Variants in FERMT1 observed in about 807,000 individuals in gnomAD.
FERMT1 encodes the protein fermitin family homolog 1.
A neutral mutation model predicts 85.3 loss-of-function variants in FERMT1; 60 were observed. The observed-to-expected ratio is 0.70, with a 90% confidence interval of 0.57 to 0.87. The LOEUF is 0.87. FERMT1 is among the 40% of genes least tolerant of loss of function. The pLI is 0.00. For synonymous variants in FERMT1, 275 were observed against 301.1 expected (o/e 0.91, Z 0.90); for missense variants, 701 against 818.9 (o/e 0.86, Z 1.76).
Position 6,084,148 on chromosome 20 carries a change from A to G in FERMT1, c.1610T>C (p.Leu537Pro). ...CTGGGCCACGTTCTGGTGCGCCTCC[A>G]GGATCCGGGCGGCCAGCTGAACAGA... is the stretch of plus-strand genomic sequence containing the variant. ...HKSKQLAARI[L>P]EAHQNVAQMP... is the part of the protein sequence containing the mutation. Residue 537 changes from leucine to proline, a missense_variant, in exon 13 of 15, where the codon CTG (leucine) becomes CCG (proline). Physicochemically the swap from Leu to Pro is moderately conservative, Grantham distance 98. Coordinates refer to ENST00000217289, the MANE Select transcript of FERMT1 (RefSeq NM_017671.5). 1 of 1,612,768 alleles carries G rather than the reference A, an allele frequency of 6.2e-7. No homozygotes were observed. Among genetic ancestry groups the G allele is most frequent in the Non-Finnish European group, 8.5e-7 (1 of 1,179,426 alleles).
In FERMT1 at chr20:6,110,486, G is replaced by T; in HGVS notation, c.558C>A (p.Thr186=). ...TGATGGGGTCATATATAGGGGTCAT[G>T]GTTTTACTGTATAAACCAGGACTTA... The part of the protein sequence containing the change: ...SSVSPGLYSK[T]MTPIYDPING... Residue 186 remains threonine (T), a synonymous_variant, in exon 5 of 15, where the codon ACC becomes ACA. Coordinates refer to ENST00000217289, the MANE Select transcript of FERMT1 (RefSeq NM_017671.5). The T allele has an allele frequency of 6.2e-7, 1 of 1,614,112 alleles. No homozygotes were observed. The highest frequency in any genetic ancestry group is 1.1e-5 in the South Asian group (1 of 91,086).
intron 8 of FERMT1, among the ~76,000 whole-genome samples, chr20:6,096,605 T>A (rs1982504592): frequency 6.6e-6 from 1 of 152,118 alleles, no homozygotes; most frequent in Non-Finnish European, 1.5e-5. Context: ...AAGTCCACAT[T>A]CCATGCTAGT....
chr20:6,090,399 AC>A (rs1207983616), intron 9 of FERMT1, among the ~76,000 whole-genome samples: 1 of 152,056 alleles, frequency 6.6e-6, no homozygotes, highest in Non-Finnish European at 1.5e-5. Flanking sequence ...ACATGTCAGT[AC>A]TAGTCTTTCC....
chr20:6,102,687 AAAAAAAAAAAAAAAG>A (rs1982692232), intron 6 of FERMT1, among the ~76,000 whole-genome samples: 1 of 142,452 alleles, frequency 7.0e-6, no homozygotes, highest in Admixed American at 7.3e-5. Flanking sequence ...AAGAAAAAAA[AAAAAAAAAAAAAAAG>A]AAAAGAAAAT....
chr20:6,084,178 G>C lies in FERMT1; in HGVS notation c.1594-14C>G, dbSNP rs2123098522. 1 of 1,607,354 alleles carries C rather than the reference G, an allele frequency of 6.2e-7. No individual in the cohort carries two copies. The highest frequency in any genetic ancestry group is 8.5e-7 in the Non-Finnish European group (1 of 1,176,928). On this transcript the variant is annotated splice_polypyrimidine_tract_variant and intron_variant, in intron 12 of 14. Transcript: ENST00000217289. ...CCGGGCGGCCAGCTGAACAGAAACA[G>C]ACATCAACCTCTCTTCACATGCACC...
chr20:6,118,422 C>T (rs1296572408), intron 2 of FERMT1, among the ~76,000 whole-genome samples: 1 of 152,026 alleles, frequency 6.6e-6, no homozygotes, highest in Non-Finnish European at 1.5e-5. Flanking sequence ...GGGTGGGGAA[C>T]AGCTGATGTT....
Position 6,076,345 on chromosome 20 carries a change from T to C in FERMT1, c.*828A>G, listed in dbSNP as rs938430063. The C allele has an allele frequency of 4.2e-5, 19 of 453,146 alleles. No individual in the cohort carries two copies. Among genetic ancestry groups the C allele is most frequent in the Non-Finnish European group, 7.1e-5 (16 of 226,110 alleles). The allele number at this position is 453,146 out of a possible 1,614,324, so 28.1% of individuals were successfully genotyped here. On this transcript the variant is annotated 3_prime_UTR_variant, in exon 15 of 15. Transcript: ENST00000217289. Reference sequence around the variant, plus strand: ...AGAGGACTGTGCCTGTCTTCCTGAATCCCAACCCAGAGTAGAAGCAGTGGA... The same window carrying C: ...AGAGGACTGTGCCTGTCTTCCTGAACCCCAACCCAGAGTAGAAGCAGTGGA...
At chr20:6,083,793 TA>T (rs928442870) in intron 13 of FERMT1, among the ~76,000 whole-genome samples, 5 of 151,460 alleles carry the variant, frequency 3.3e-5, no homozygotes, top group South Asian at 2.1e-4. Flanking sequence ...GTAGTTATCC[TA>T]AAAAAAACCC....
At chr20:6,122,654 A>C (rs1983311029) in intron 1 of FERMT1, 120 bp downstream of exon 1, 1 of 152,218 alleles carries the variant, frequency 6.6e-6, no homozygotes, top group African/African-American at 2.4e-5. Context: ...ATTTTCAATC[A>C]ACAGCTATTT....
At chr20:6,094,484 T>C (rs1057503359) in intron 9 of FERMT1, among the ~76,000 whole-genome samples, 1 of 152,232 alleles carries the variant, frequency 6.6e-6, no homozygotes, top group African/African-American at 2.4e-5. Flanking sequence ...TTTTAAATTA[T>C]AAGCCTTCAA....
In FERMT1 at chr20:6,076,369, G is replaced by A; in HGVS notation, c.*804C>T. 1 of 486,420 alleles carries A rather than the reference G, an allele frequency of 2.1e-6. No homozygotes were observed. The highest frequency in any genetic ancestry group is 4.1e-6 in the Non-Finnish European group (1 of 243,374). 30.1% of individuals were successfully genotyped at this position (486,420 alleles called of 1,614,324 possible). A position where few individuals can be genotyped will look rare whatever the true frequency, so the allele number is the denominator to read the frequency against. ...ATCCCAACCCAGAGTAGAAGCAGTG[G>A]AGACATGGATCTGGGTTGAGAAATG... On this transcript the variant is annotated 3_prime_UTR_variant, in exon 15 of 15. Transcript: ENST00000217289.
Position 6,115,931 on chromosome 20 carries a change from G to T in FERMT1, c.265C>A (p.Leu89Ile). The T allele has an allele frequency of 6.2e-7, 1 of 1,614,214 alleles. No homozygotes were observed. The highest frequency in any genetic ancestry group is 1.3e-5 in the African/African-American group (1 of 75,062). The change falls in exon 3 of 15, where the codon CTC (leucine) becomes ATC (isoleucine). Residue 89 changes from leucine to isoleucine, a missense_variant. Physicochemically the swap from Leu to Ile is conservative, Grantham distance 5 (BLOSUM62 2). Transcript: ENST00000217289. ...AGCATTTTATGCTGAGGGGTGAAGAGAAGCTTTGCATCTGCCTGGACCCCA... is the reference window on the plus strand; with the variant it reads ...AGCATTTTATGCTGAGGGGTGAAGATAAGCTTTGCATCTGCCTGGACCCCA... ...KYGVQADAKLLFTPQHKMLRL... is the reference protein window; with the variant it reads ...KYGVQADAKLIFTPQHKMLRL...
intron 14 of FERMT1, among the ~76,000 whole-genome samples, 181 bp downstream of exon 14, chr20:6,079,255 G>A (rs910329455): frequency 1.3e-5 from 2 of 152,224 alleles, no homozygotes; most frequent in Non-Finnish European, 2.9e-5. Flanking sequence ...CATTTGGCCT[G>A]TGCCTGTTAG....
chr20:6,110,476 T>C lies in FERMT1; in HGVS notation c.568A>G (p.Ile190Val). The change falls in exon 5 of 15, where the codon ATA becomes GTA. Residue 190 changes from isoleucine to valine, a missense_variant. Transcript: ENST00000217289. ...PGLYSKTMTP[I>V]YDPINGTPAS... The stretch of plus-strand genomic sequence containing the variant: ...GGTGTTCCATTGATGGGGTCATATA[T>C]AGGGGTCATGGTTTTACTGTATAAA... 1 of 1,614,118 alleles carries C rather than the reference T, an allele frequency of 6.2e-7. No individual in the cohort carries two copies. Among genetic ancestry groups the C allele is most frequent in the Non-Finnish European group, 8.5e-7 (1 of 1,180,000 alleles).
At chr20:6,109,387 G>C (rs187318115) in intron 5 of FERMT1, among the ~76,000 whole-genome samples, 1 of 152,314 alleles carries the variant, frequency 6.6e-6, no homozygotes, top group Non-Finnish European at 1.5e-5. Flanking sequence ...GAAAGAATGA[G>C]TGTGCACCCA....
intron 1 of FERMT1, among the ~76,000 whole-genome samples, chr20:6,122,478 G>T (rs1371473558): frequency 2.6e-5 from 4 of 152,200 alleles, no homozygotes; most frequent in African/African-American, 9.7e-5. Context: ...GTGTTCGAAG[G>T]CCACCCGACC....
chr20:6,107,354 T>C (rs1308417819), intron 6 of FERMT1, among the ~76,000 whole-genome samples, 178 bp downstream of exon 6: 1 of 152,230 alleles, frequency 6.6e-6, no homozygotes, highest in Non-Finnish European at 1.5e-5. Context: ...CTGTGCTCAG[T>C]AGCGACCAAA....
chr20:6,082,791 G>C (rs1386891630), intron 13 of FERMT1, among the ~76,000 whole-genome samples: 1 of 152,142 alleles, frequency 6.6e-6, no homozygotes, highest in East Asian at 1.9e-4. Flanking sequence ...GAGTAGCTGG[G>C]ACTACAGCTG....
Position 6,076,722 on chromosome 20 carries a change from A to T in FERMT1, c.*451T>A, listed in dbSNP as rs1981833404. The T allele has an allele frequency of 3.0e-6, 1 of 328,490 alleles. No individual in the cohort carries two copies. 20.3% of individuals were successfully genotyped at this position (328,490 alleles called of 1,614,324 possible). On this transcript the variant is annotated 3_prime_UTR_variant, in exon 15 of 15. Transcript: ENST00000217289. The stretch of plus-strand genomic sequence containing the variant: ...AAAGACAGGAGCTAAAAGCAGTTCC[A>T]TGAAGGACAGGCGTTTCGTTTCATA...
Sources: allele counts gnomAD v4.1 joint callset (sites outside exome capture counted in the v4.1 genomes callset), GRCh38; gene constraint gnomAD v4.1.1; transcripts MANE v1.5; gene names NCBI Gene and HGNC (gene_info 2026-07-23, HGNC 2026-07-21).